DENND2C: variants seen among roughly 807,000 people sequenced by gnomAD.
DENND2C encodes the protein DENN domain-containing protein 2C.
A neutral mutation model predicts 112.4 loss-of-function variants in DENND2C; 72 were observed. The observed-to-expected ratio is 0.64, with a 90% CI of 0.53 to 0.78. The LOEUF (loss-of-function observed/expected upper bound fraction) is 0.78. Ranked by LOEUF, DENND2C falls within the 30% of genes least tolerant of loss-of-function variation. The pLI, the probability that DENND2C is intolerant of heterozygous loss-of-function variation, is 0.00. For missense variants in DENND2C, 992 were observed against 1,113.8 expected, an observed-to-expected ratio of 0.89 and a Z score of 1.56; for synonymous variants, 329 against 381.6, an observed-to-expected ratio of 0.86 and a Z score of 1.61.
At position 114,654,571 on chromosome 1, in the gene DENND2C, A is replaced by C. The variant is rs1017960888; in HGVS notation, c.-383T>G. ...TACAGAGTATTGTGAGAATTAAAACAGCAAGAACAGTGATTACACTTCATT... is the reference window on the plus strand; with the variant it reads ...TACAGAGTATTGTGAGAATTAAAACCGCAAGAACAGTGATTACACTTCATT... On this transcript the variant is annotated 5_prime_UTR_variant, in exon 2 of 21. Coordinates refer to ENST00000393274, the MANE Select transcript of DENND2C (RefSeq NM_001256404.2). 6.6e-6 allele frequency: 1 copy of C among 152,246 alleles called. No homozygotes were observed. The highest frequency in any genetic ancestry group is 2.4e-5 in the African/African-American group (1 of 41,462). 9.4% of individuals were successfully genotyped at this position (152,246 alleles called of 1,614,324 possible). A position where few individuals can be genotyped will look rare whatever the true frequency, so the allele number is the denominator to read the frequency against.
chr1:114,624,611 AT>A lies in DENND2C; in HGVS notation c.806+567del, dbSNP rs200304335. The stretch of plus-strand genomic sequence containing the variant: ...CACCACACCCAGCTCCTATAGATTA[AT>A]TTTCTTTTTTTCTTTTTTTTTTTTT... On this transcript the variant is annotated intron_variant, in intron 4 of 20. Coordinates refer to ENST00000393274, the MANE Select transcript of DENND2C (RefSeq NM_001256404.2). Among the ~76,000 whole-genome samples, 772 of 131,820 alleles carry A rather than the reference AT, an allele frequency of 5.9e-3. 8 individuals carry two copies. The highest frequency in any genetic ancestry group is 0.022 in the African/African-American group (734 of 33,630). 86.5% of individuals were successfully genotyped at this position (131,820 alleles called of 152,430 possible).
At chr1:114,655,288 A>G (rs2101693075) in intron 1 of DENND2C, among the ~76,000 whole-genome samples, 1 of 152,352 alleles carries the variant, frequency 6.6e-6, no homozygotes, top group East Asian at 1.9e-4. Context: ...ATGCATCAAA[A>G]TAAAATATAA....
At chr1:114,657,783 C>T (rs146274217) in intron 1 of DENND2C, among the ~76,000 whole-genome samples, 2 of 152,150 alleles carry the variant, frequency 1.3e-5, no homozygotes, top group African/African-American at 2.4e-5. Flanking sequence ...TGGACAGGAA[C>T]GTGAAGTCCA....
chr1:114,625,277 T>C lies in DENND2C; in HGVS notation c.708A>G (p.Lys236=), dbSNP rs1229545466. ...TPYKERNCDK[K]YCENNSCAQS... is the part of the protein sequence containing the mutation. ...GTGCACAAGAGTTATTTTCACAGTA[T>C]TTTTTGTCACAGTTTCTTTCTTTAT... The change falls in exon 4 of 21, where the codon AAA becomes AAG. Residue 236 remains lysine, a synonymous_variant. Transcript: ENST00000393274. 1 of 1,614,194 alleles carries C rather than the reference T, an allele frequency of 6.2e-7. No individual in the cohort carries two copies. The highest frequency in any genetic ancestry group is 1.1e-5 in the South Asian group (1 of 91,078).
At chr1:114,610,866 G>A (rs1431133724) in intron 9 of DENND2C, among the ~76,000 whole-genome samples, 1 of 152,108 alleles carries the variant, frequency 6.6e-6, no homozygotes, top group African/African-American at 2.4e-5. Context: ...ACTCCACTAT[G>A]GGAGACTTTA....
chr1:114,638,655 T>C lies in DENND2C; in HGVS notation c.-205+6793A>G, dbSNP rs540049306. 4.0e-5 allele frequency among the ~76,000 whole-genome samples: 6 copies of C among 150,616 alleles called. No individual in the cohort carries two copies. In the South Asian group the frequency reaches 1.3e-3, roughly 32 times the overall value. Reference sequence around the variant, plus strand: ...TTGTGCGTCTGTAATCCCAGCTACTTGGGAGGCTGAGGTGGGAGGATTGCT... The same window carrying C: ...TTGTGCGTCTGTAATCCCAGCTACTCGGGAGGCTGAGGTGGGAGGATTGCT... On this transcript the variant is annotated intron_variant, in intron 3 of 20. Coordinates refer to ENST00000393274, the MANE Select transcript of DENND2C (RefSeq NM_001256404.2).
At chr1:114,651,909 C>A (rs1657177102) in intron 2 of DENND2C, among the ~76,000 whole-genome samples, 1 of 151,888 alleles carries the variant, frequency 6.6e-6, no homozygotes, top group Non-Finnish European at 1.5e-5. Context: ...AGAGCCTAAA[C>A]AAGGTAAGGA....
rs187032196 is a variant in DENND2C, at chr1:114,623,706, A to T, written c.807-63T>A. ...AAAACTCTAATCTTTATTTTTTAAA[A>T]TTTTTATTTATTTATTTGTTTGATT... On this transcript the variant is annotated intron_variant, in intron 4 of 20. Coordinates refer to ENST00000393274, the MANE Select transcript of DENND2C (RefSeq NM_001256404.2). The T allele has an allele frequency of 4.4e-4, 511 of 1,152,734 alleles. 2 individuals are homozygous for T. In the African/African-American group the frequency reaches 0.011, roughly 25 times the overall value. The allele number at this position is 1,152,734 out of a possible 1,614,324, so 71.4% of individuals were successfully genotyped here.
intron 8 of DENND2C, among the ~76,000 whole-genome samples, 163 bp downstream of exon 8, chr1:114,618,223 T>C (rs904250588): frequency 2.6e-5 from 4 of 152,052 alleles, no homozygotes; most frequent in Non-Finnish European, 5.9e-5. Flanking sequence ...CTCCTGACCT[T>C]GTGATCCACC....
chr1:114,625,379 T>G lies in DENND2C; in HGVS notation c.606A>C (p.Glu202Asp), dbSNP rs749806981. Residue 202 changes from glutamate (E) to aspartate (D), a missense_variant, in exon 4 of 21, where the codon GAA (glutamate) becomes GAC (aspartate). Physicochemically the swap from Glu to Asp is conservative, Grantham distance 45. Around this residue, in one of 3 missense-constraint regions of DENND2C, gnomAD observed 470 missense variants for 472.7 expected, o/e 0.99. Transcript: ENST00000393274. ...ENIYSEPEGQ[E>D]CGPSINPLPK... The stretch of plus-strand genomic sequence containing the variant: ...GCAAAGGATTTATGGAAGGTCCACA[T>G]TCTTGCCCCTCAGGTTCAGAGTAAA... 4 of 1,614,196 alleles carry G rather than the reference T, an allele frequency of 2.5e-6. No individual in the cohort carries two copies. Among genetic ancestry groups the G allele is most frequent in the Non-Finnish European group, 8.5e-7 (1 of 1,180,018 alleles).
intron 3 of DENND2C, among the ~76,000 whole-genome samples, chr1:114,636,951 A>G (rs551046442): frequency 4.0e-5 from 6 of 151,814 alleles, no homozygotes; most frequent in African/African-American, 1.4e-4. Context: ...CAGCATAAAA[A>G]CATGAAACAT....
chr1:114,659,616 T>C (rs1657433173), intron 1 of DENND2C, among the ~76,000 whole-genome samples: 3 of 152,222 alleles, frequency 2.0e-5, no homozygotes, highest in African/African-American at 7.2e-5. Flanking sequence ...TTTGGAACCC[T>C]TCAGCATATA....
chr1:114,620,580 TTTG>T (rs1356809197), intron 7 of DENND2C, among the ~76,000 whole-genome samples: 5 of 152,284 alleles, frequency 3.3e-5, no homozygotes, highest in South Asian at 2.1e-4. Flanking sequence ...TAACACACAA[TTTG>T]TTGTTGCTGG....
intron 18 of DENND2C, among the ~76,000 whole-genome samples, chr1:114,590,644 G>A (rs1308099667): frequency 3.3e-5 from 5 of 152,022 alleles, no homozygotes; most frequent in Admixed American, 3.3e-4. Context: ...CGGGCGAGGT[G>A]GCAGGCGCCT....
intron 2 of DENND2C, among the ~76,000 whole-genome samples, chr1:114,650,431 G>A (rs1570808089): frequency 2.6e-5 from 4 of 151,984 alleles, no homozygotes; most frequent in South Asian, 2.1e-4. Context: ...TTGGGAGGCC[G>A]AGGCGGATGG....
chr1:114,654,464 AATCACTTTT>A (rs891390223), intron 2 of DENND2C, 32 bp downstream of exon 2: 9 of 152,138 alleles, frequency 5.9e-5, no homozygotes, highest in Admixed American at 2.0e-4. Context: ...AATAAGCATA[AATCACTTTT>A]ATAGCATTTG....
intron 3 of DENND2C, among the ~76,000 whole-genome samples, chr1:114,638,789 G>GA (rs529570234): frequency 3.0e-5 from 4 of 135,416 alleles, no homozygotes; most frequent in Non-Finnish European, 4.8e-5. Flanking sequence ...AGAGAAAAAA[G>GA]AAAAAAAAAG....
At chr1:114,592,734 AAATAAT>A (rs1655229338) in intron 18 of DENND2C, among the ~76,000 whole-genome samples, 1 of 151,164 alleles carries the variant, frequency 6.6e-6, no homozygotes, top group Non-Finnish European at 1.5e-5. Context: ...ATAAAAATAA[AAATAAT>A]AAATAATAAA....
intron 1 of DENND2C, among the ~76,000 whole-genome samples, chr1:114,667,664 C>A (rs1339136461): frequency 6.6e-6 from 1 of 151,998 alleles, no homozygotes. Flanking sequence ...TCTTTCTTTC[C>A]TTCTTTTTGA....
Sources: gnomAD v4.1 joint callset for allele counts (sites outside exome capture counted in the v4.1 genomes callset) on GRCh38, gnomAD v4.1.1 for gene constraint, gnomAD v4.1.1 regional missense constraint, MANE v1.5 for transcripts, NCBI Gene and HGNC (gene_info 2026-07-23, HGNC 2026-07-21) for gene names.